The following RORB variants were observed in gnomAD, a reference collection of about 807,000 sequenced individuals.
RORB encodes the protein nuclear receptor ROR-beta.
A neutral mutation model predicts 59.1 loss-of-function variants in RORB; 6 were observed. The observed-to-expected ratio is 0.10, with a 90% CI of 0.06 to 0.20. The LOEUF (loss-of-function observed/expected upper bound fraction) is 0.20, where lower values mean the gene tolerates loss of function less well. RORB is among the 10% of genes least tolerant of loss of function. The pLI is 1.00. For missense variants in RORB, 320 were observed against 560.5 expected, an observed-to-expected ratio of 0.57 and a Z score of 4.33; for synonymous variants, 215 against 204.5, an observed-to-expected ratio of 1.05 and a Z score of -0.44.
intron 3 of RORB, among the ~76,000 whole-genome samples, chr9:74,641,013 A>G (rs1387327392): frequency 1.3e-5 from 2 of 152,186 alleles, no homozygotes; most frequent in Non-Finnish European, 2.9e-5. Flanking sequence ...GAATCCAGGA[A>G]CTGAGCCTTT....
intron 7 of RORB, 54 bp from the exon 8 acceptor site, chr9:74,667,737 T>G: frequency 9.4e-7 from 1 of 1,067,986 alleles, no homozygotes; most frequent in Non-Finnish European, 1.5e-6. Context: ...TTTCTTACTC[T>G]TGCCCCATTT....
chr9:74,533,039 CCATCTTGAGATAGG>C (rs1224690548), intron 1 of RORB, among the ~76,000 whole-genome samples: 2 of 151,752 alleles, frequency 1.3e-5, no homozygotes, highest in Non-Finnish European at 2.9e-5. Flanking sequence ...GAAGTGGCTT[CCATCTTGAGATAGG>C]CATCATTTTC....
intron 1 of RORB, among the ~76,000 whole-genome samples, chr9:74,513,422 G>T (rs1036050273): frequency 6.6e-6 from 1 of 151,884 alleles, no homozygotes; most frequent in Non-Finnish European, 1.5e-5. Context: ...AGCAAAAACC[G>T]CAATAACTTT....
At chr9:74,623,629 G>T (rs982041277) in intron 1 of RORB, among the ~76,000 whole-genome samples, 1 of 152,038 alleles carries the variant, frequency 6.6e-6, no homozygotes, top group South Asian at 2.1e-4. Flanking sequence ...TCTCAAACTC[G>T]AATGCTAGCC....
chr9:74,642,222 C>CCAGGA (rs1258757825), intron 3 of RORB, among the ~76,000 whole-genome samples, 192 bp from the exon 4 acceptor site: 5 of 152,148 alleles, frequency 3.3e-5, no homozygotes, highest in African/African-American at 1.2e-4. Flanking sequence ...TGGGCATAAA[C>CCAGGA]CAGGACAGGT....
At chr9:74,630,019 G>T (rs908241436) in intron 1 of RORB, among the ~76,000 whole-genome samples, 1 of 152,158 alleles carries the variant, frequency 6.6e-6, no homozygotes, top group Admixed American at 6.6e-5. Context: ...AACAGTGAAT[G>T]CAAGACTTTG....
intron 1 of RORB, among the ~76,000 whole-genome samples, chr9:74,588,255 G>A (rs1822836440): frequency 6.6e-6 from 1 of 152,132 alleles, no homozygotes; most frequent in Non-Finnish European, 1.5e-5. Flanking sequence ...TCCTCGCCTG[G>A]AAATTGAAGG....
chr9:74,556,779 G>A (rs1034601581), intron 1 of RORB, among the ~76,000 whole-genome samples: 6 of 152,190 alleles, frequency 3.9e-5, no homozygotes, highest in South Asian at 2.1e-4. Context: ...GGATGGGGGC[G>A]GTAGGAAATG....
At chr9:74,681,587 C>A (rs904661524) in intron 9 of RORB, among the ~76,000 whole-genome samples, 2 of 152,204 alleles carry the variant, frequency 1.3e-5, no homozygotes, top group Admixed American at 6.5e-5. Flanking sequence ...GAACTAGATC[C>A]AAATCGCATA....
At chr9:74,504,566 GTA>G (rs1825843442) in intron 1 of RORB, among the ~76,000 whole-genome samples, 1 of 151,978 alleles carries the variant, frequency 6.6e-6, no homozygotes, top group Non-Finnish European at 1.5e-5. Context: ...AACTGGCTGG[GTA>G]TGCTGACATT....
intron 1 of RORB, among the ~76,000 whole-genome samples, chr9:74,601,238 A>G (rs1823049786): frequency 6.6e-6 from 1 of 151,976 alleles, no homozygotes; most frequent in Non-Finnish European, 1.5e-5. Flanking sequence ...ACATTCACTT[A>G]TGAAAAAATT....
At chr9:74,602,799 A>T (rs992066684) in intron 1 of RORB, among the ~76,000 whole-genome samples, 1 of 152,186 alleles carries the variant, frequency 6.6e-6, no homozygotes, top group Non-Finnish European at 1.5e-5. Flanking sequence ...AAATGGTGAA[A>T]ATTTTTAAAT....
rs566839430 is a variant in RORB, at chr9:74,557,016, T to C, written c.7+59033T>C. On this transcript the variant is annotated intron_variant, in intron 1 of 9. Coordinates refer to ENST00000376896, the MANE Select transcript of RORB (RefSeq NM_006914.4). ...TATGTCCTTGCCTATTTCGTATTCA[T>C]TTCCCCCTTTTTTCTACCCACTAGT... 2.0e-5 allele frequency among the ~76,000 whole-genome samples: 3 copies of C among 152,252 alleles called. No homozygotes were observed. The South Asian group carries it at 6.2e-4, about 32-fold the overall frequency.
At chr9:74,595,175 C>A (rs1461705505) in intron 1 of RORB, among the ~76,000 whole-genome samples, 1 of 152,140 alleles carries the variant, frequency 6.6e-6, no homozygotes, top group African/African-American at 2.4e-5. Flanking sequence ...AACATGCCTA[C>A]AAACCGAGAC....
intron 1 of RORB, among the ~76,000 whole-genome samples, chr9:74,591,220 C>G (rs1430765518): frequency 1.3e-5 from 2 of 152,146 alleles, no homozygotes; most frequent in African/African-American, 4.8e-5. Context: ...GTAAAAAGGA[C>G]CTTAGTGTAG....
chr9:74,630,438 C>A, intron 2 of RORB, 71 bp downstream of exon 2: 1 of 1,160,272 alleles, frequency 8.6e-7, no homozygotes, highest in Non-Finnish European at 1.2e-6. Context: ...GATGCGGTGA[C>A]ACGTTTTTAA....
At position 74,590,769 on chromosome 9, in the gene RORB, TTTTTGTTTTG is replaced by T. The variant is rs201941714; in HGVS notation, c.8-39493_8-39484del. 1.5e-3 allele frequency among the ~76,000 whole-genome samples: 231 copies of T among 152,208 alleles called. 1 individual carries two copies. The highest frequency in any genetic ancestry group is 0.013 in the East Asian group (69 of 5,164). ...ACTTCAAAAATCTTCCTAATCTGTT[TTTTTGTTTTG>T]TTTTGTTTTGTTTTGTTTTATTTTG... is the stretch of plus-strand genomic sequence containing the variant. On this transcript the variant is annotated intron_variant, in intron 1 of 9. Coordinates refer to ENST00000376896, the MANE Select transcript of RORB (RefSeq NM_006914.4).
chr9:74,597,538 A>G (rs1822986717), intron 1 of RORB, among the ~76,000 whole-genome samples: 1 of 152,264 alleles, frequency 6.6e-6, no homozygotes, highest in Non-Finnish European at 1.5e-5. Flanking sequence ...TTTCACTTGA[A>G]TCTTTGAAAA....
At chr9:74,607,236 T>G (rs1260020872) in intron 1 of RORB, among the ~76,000 whole-genome samples, 1 of 152,198 alleles carries the variant, frequency 6.6e-6, no homozygotes, top group African/African-American at 2.4e-5. Flanking sequence ...TTAAGATCCC[T>G]TGGGGAAGAT....
Sources: gnomAD v4.1 joint callset for allele counts (sites outside exome capture counted in the v4.1 genomes callset) on GRCh38, gnomAD v4.1.1 for gene constraint, MANE v1.5 for transcripts, NCBI Gene and HGNC (gene_info 2026-07-23, HGNC 2026-07-21) for gene names.